The following SPART variants were observed in gnomAD, a reference collection of about 807,000 sequenced individuals.
The protein encoded by SPART is spartin.
In SPART, 35 loss-of-function variants were observed where a neutral mutation model predicts 58.7. The ratio of observed to expected loss-of-function variants is 0.60; its 90% confidence interval spans 0.46 to 0.79. SPART has a LOEUF of 0.79. Among genes scored for constraint, SPART ranks in the 30% least tolerant of loss-of-function variants. SPART has a pLI of 0.00. For missense variants in SPART, 730 were observed against 786.1 expected (o/e 0.93, Z 0.85); for synonymous variants, 284 against 280.7 (o/e 1.01, Z -0.12).
intron 5 of SPART, among the ~76,000 whole-genome samples, chr13:36,321,620 T>G (rs373371830): frequency 6.6e-6 from 1 of 152,096 alleles, no homozygotes; most frequent in African/African-American, 2.4e-5. Context: ...TAATCCCGCT[T>G]GAAGCAGCCC....
chr13:36,342,578 G>C (rs1037709988), intron 1 of SPART, among the ~76,000 whole-genome samples: 2 of 152,098 alleles, frequency 1.3e-5, no homozygotes, highest in African/African-American at 2.4e-5. Flanking sequence ...CAGCATCCCT[G>C]ATCTCTGTCC....
intron 5 of SPART, among the ~76,000 whole-genome samples, chr13:36,320,198 T>C (rs9575912): frequency 0.24 from 36,447 of 152,000 alleles, 4,843 homozygotes; most frequent in East Asian, 0.51. Context: ...TTCTTCCTCA[T>C]ACCTGACGCA....
At chr13:36,339,252 A>C (rs1884330168) in intron 1 of SPART, among the ~76,000 whole-genome samples, 2 of 152,150 alleles carry the variant, frequency 1.3e-5, no homozygotes, top group South Asian at 4.1e-4. Flanking sequence ...AAAACTCAAG[A>C]AGGATGAGGT....
At chr13:36,322,203 T>C (rs1367353761) in intron 5 of SPART, among the ~76,000 whole-genome samples, 1 of 152,062 alleles carries the variant, frequency 6.6e-6, no homozygotes, top group Admixed American at 6.6e-5. Flanking sequence ...ACTCAGCACT[T>C]TGGAAGGCCA....
chr13:36,358,079 G>A (rs1006438842), intron 1 of SPART, among the ~76,000 whole-genome samples: 8 of 151,818 alleles, frequency 5.3e-5, no homozygotes, highest in South Asian at 4.1e-4. Context: ...ATTTAAATGC[G>A]TCAGTTCATA....
Position 36,314,239 on chromosome 13 carries a change from T to G in SPART, c.1471A>C (p.Ser491Arg). 1.2e-6 allele frequency: 2 copies of G among 1,614,116 alleles called. No homozygotes were observed. Among genetic ancestry groups the G allele is most frequent in the South Asian group, 2.2e-5 (2 of 91,086 alleles). The change falls in exon 6 of 9, where the codon AGT becomes CGT. Residue 491 changes from serine to arginine, a missense_variant. Coordinates refer to ENST00000438666, the MANE Select transcript of SPART (RefSeq NM_015087.5). ...KQATGGAAKVSQFLVDGVCTV... is the reference protein window; with the variant it reads ...KQATGGAAKVRQFLVDGVCTV... The stretch of plus-strand genomic sequence containing the variant: ...AGAATTACTTTACCCAGGAACTGAC[T>G]GACTTTTGCTGCTCCTCCTGTAGCT...
At chr13:36,323,266 C>T (rs1882597599) in intron 5 of SPART, among the ~76,000 whole-genome samples, 1 of 152,150 alleles carries the variant, frequency 6.6e-6, no homozygotes, top group African/African-American at 2.4e-5. Flanking sequence ...CTCACAACCA[C>T]TAAAGTGTTT....
intron 1 of SPART, among the ~76,000 whole-genome samples, chr13:36,341,262 A>G (rs7999963): frequency 1 from 152,274 of 152,322 alleles, 76,113 homozygotes; most frequent in Non-Finnish European, 1. Flanking sequence ...CAACTATGTC[A>G]AACAGAACTG....
At chr13:36,314,683 G>A (rs1324006688) in intron 5 of SPART, among the ~76,000 whole-genome samples, 1 of 152,116 alleles carries the variant, frequency 6.6e-6, no homozygotes, top group African/African-American at 2.4e-5. Flanking sequence ...AATTTCTGAA[G>A]ATGACCACAA....
At chr13:36,321,065 G>C (rs1882327210) in intron 5 of SPART, among the ~76,000 whole-genome samples, 2 of 152,192 alleles carry the variant, frequency 1.3e-5, no homozygotes. Context: ...CCTGTCCTCG[G>C]AATGCTACAG....
chr13:36,326,728 A>T (rs1362641655), intron 4 of SPART, 30 bp from the exon 5 acceptor site: 2 of 1,610,656 alleles, frequency 1.2e-6, no homozygotes, highest in Non-Finnish European at 1.7e-6. Flanking sequence ...CAAAATGTGA[A>T]GAGTTAGTAC....
In SPART at chr13:36,319,502, TA is replaced by T. The variant is rs541813209; in HGVS notation, c.1289-5082del. Among the ~76,000 whole-genome samples, 630 of 152,124 alleles carry T rather than the reference TA, an allele frequency of 4.1e-3. 1 individual carries two copies. The highest frequency in any genetic ancestry group is 0.018 in the South Asian group (88 of 4,802). Reference sequence around the variant, plus strand: ...ACTCGCCTGCTACAGCATGGCCTTTTAAAGCCTATAAACTCTCCTTAAAATT... The same window carrying T: ...ACTCGCCTGCTACAGCATGGCCTTTTAAGCCTATAAACTCTCCTTAAAATT... On this transcript the variant is annotated intron_variant, in intron 5 of 8. Coordinates refer to ENST00000438666, the MANE Select transcript of SPART (RefSeq NM_015087.5).
Position 36,304,037 on chromosome 13 carries a change from C to A in SPART, c.*328G>T. Reference sequence around the variant, plus strand: ...TTCCTATTTGCCTTCTGAAAGACAGCAGATATAAAAATAGTTCAATATTAG... The same window carrying A: ...TTCCTATTTGCCTTCTGAAAGACAGAAGATATAAAAATAGTTCAATATTAG... On this transcript the variant is annotated 3_prime_UTR_variant, in exon 9 of 9. Coordinates refer to ENST00000438666, the MANE Select transcript of SPART (RefSeq NM_015087.5). The A allele has an allele frequency of 3.5e-6, 1 of 282,346 alleles. No homozygotes were observed. Among genetic ancestry groups the A allele is most frequent in the South Asian group, 5.1e-5 (1 of 19,596 alleles). The allele number at this position is 282,346 out of a possible 1,614,324, so 17.5% of individuals were successfully genotyped here.
At chr13:36,364,708 G>A (rs1352811084) in intron 1 of SPART, among the ~76,000 whole-genome samples, 3 of 152,168 alleles carry the variant, frequency 2.0e-5, no homozygotes, top group African/African-American at 4.8e-5. Flanking sequence ...CCTTCACTAA[G>A]TTCATAATCT....
intron 1 of SPART, among the ~76,000 whole-genome samples, chr13:36,337,332 T>C (rs1490325177): frequency 6.6e-6 from 1 of 152,192 alleles, no homozygotes; most frequent in Non-Finnish European, 1.5e-5. Context: ...GATCACTTAG[T>C]AGCTGATATG....
chr13:36,304,761 A>G, intron 8 of SPART, 129 bp from the exon 9 acceptor site: 1 of 927,376 alleles, frequency 1.1e-6, no homozygotes, highest in Non-Finnish European at 1.6e-6. Context: ...TTAGGTTTCA[A>G]TTTAATTAAT....
rs1256538068 is a variant in SPART at position 36,314,382 on chromosome 13, T to C, written c.1328A>G (p.Glu443Gly). ...WVSWGLVKGA[E>G]ITGKAIQKGA... is the part of the protein sequence containing the mutation. ...TTTCTGGATTGCCTTACCAGTAATC[T>C]CAGCACCTTTGACTAAACCCCAACT... Residue 443 changes from glutamate to glycine, a missense_variant, in exon 6 of 9, where the codon GAG (glutamate) becomes GGG (glycine). Glu to Gly is a moderately conservative substitution (Grantham distance 98, BLOSUM62 -2). Transcript: ENST00000438666. 1 of 1,614,144 alleles carries C rather than the reference T, an allele frequency of 6.2e-7. No homozygotes were observed. The highest frequency in any genetic ancestry group is 1.7e-5 in the Admixed American group (1 of 60,012).
chr13:36,304,273 C>T lies in SPART; in HGVS notation c.*92G>A. ...TAGGAATGAATACATTTAAAAAATA[C>T]TGGTTAATCTGTGAGGAATTCCACA... On this transcript the variant is annotated 3_prime_UTR_variant, in exon 9 of 9. Coordinates refer to ENST00000438666, the MANE Select transcript of SPART (RefSeq NM_015087.5). 7.0e-7 allele frequency: 1 copy of T among 1,430,098 alleles called. No homozygotes were observed. The highest frequency in any genetic ancestry group is 9.8e-7 in the Non-Finnish European group (1 of 1,020,022). 88.6% of individuals were successfully genotyped at this position (1,430,098 alleles called of 1,614,324 possible). A position where few individuals can be genotyped will look rare whatever the true frequency, so the allele number is the denominator to read the frequency against.
rs1363356135 is a variant in SPART, at chr13:36,335,212, G to A, written c.619C>T (p.Gln207Ter). 2 of 1,613,996 alleles carry A rather than the reference G, an allele frequency of 1.2e-6. No individual in the cohort carries two copies. The highest frequency in any genetic ancestry group is 2.2e-5 in the East Asian group (1 of 44,880). Residue 207 changes from glutamine to a stop codon, truncating the protein, a stop_gained, in exon 2 of 9, where the codon CAG (glutamine) becomes TAG (stop). Transcript: ENST00000438666. LOFTEE classifies it high-confidence loss of function. ...CCTAAGGTCTCAAGAGGCGGTGGCTGAGAATGATTCCTATAAAACTCCTCT... is the reference window on the plus strand; with the variant it reads ...CCTAAGGTCTCAAGAGGCGGTGGCTAAGAATGATTCCTATAAAACTCCTCT... Reference protein sequence around the residue: ...VGEEFYRNHSQPPPLETLGLD... With the variant: ...VGEEFYRNHS
Sources: gnomAD v4.1 joint callset for allele counts (sites outside exome capture counted in the v4.1 genomes callset) on GRCh38, gnomAD v4.1.1 for gene constraint, MANE v1.5 for transcripts, NCBI Gene and HGNC (gene_info 2026-07-23, HGNC 2026-07-21) for gene names.